Variants in ELMO1 observed in about 807,000 individuals in gnomAD.
The protein encoded by ELMO1 is engulfment and cell motility protein 1.
Under a neutral mutation model 98.9 loss-of-function variants are expected in ELMO1, and 26 were observed. The observed-to-expected ratio is 0.26, with a 90% CI of 0.19 to 0.36. The LOEUF (loss-of-function observed/expected upper bound fraction) is 0.36. Among genes scored for constraint, ELMO1 ranks in the 10% least tolerant of loss-of-function variants. The probability of loss-of-function intolerance (pLI) is 1.00; values close to 1 mark genes in which losing one functional copy is unlikely to be tolerated. For missense variants in ELMO1, 627 were observed against 935.2 expected (o/e 0.67, Z 4.30); for synonymous variants, 346 against 346.0 (o/e 1.00, Z 0.00).
chr7:37,231,771 T>C (rs1261179702), intron 8 of ELMO1, among the ~76,000 whole-genome samples: 1 of 152,158 alleles, frequency 6.6e-6, no homozygotes. Flanking sequence ...TATTTATCAA[T>C]TTTGATAACC....
intron 13 of ELMO1, among the ~76,000 whole-genome samples, chr7:37,155,468 G>A (rs983243315): frequency 2.6e-5 from 3 of 117,048 alleles, no homozygotes; most frequent in African/African-American, 1.1e-4. Context: ...AAGGGATGGA[G>A]GAAGAAGCAA....
At chr7:37,098,015 A>G (rs969584652) in intron 14 of ELMO1, among the ~76,000 whole-genome samples, 4 of 152,234 alleles carry the variant, frequency 2.6e-5, no homozygotes, top group Non-Finnish European at 5.9e-5. Flanking sequence ...GCAAAACAAA[A>G]TAACAAAACT....
intron 16 of ELMO1, among the ~76,000 whole-genome samples, chr7:36,953,209 C>T (rs1016349866): frequency 1.3e-5 from 2 of 152,032 alleles, no homozygotes; most frequent in African/African-American, 2.4e-5. Context: ...ATCGTGGATC[C>T]ACCCACCTCA....
intron 13 of ELMO1, among the ~76,000 whole-genome samples, chr7:37,170,702 G>A (rs1476048197): frequency 2.6e-5 from 4 of 151,228 alleles, no homozygotes; most frequent in Admixed American, 2.0e-4. Flanking sequence ...TGCCTCCCAG[G>A]TTCAAGCGAT....
intron 8 of ELMO1, among the ~76,000 whole-genome samples, chr7:37,230,109 T>C (rs1295950078): frequency 6.6e-6 from 1 of 152,202 alleles, no homozygotes; most frequent in Non-Finnish European, 1.5e-5. Flanking sequence ...GTGGGTATTT[T>C]TAATGCTTCC....
At chr7:37,034,057 TCA>T (rs1249747089) in intron 15 of ELMO1, among the ~76,000 whole-genome samples, 1 of 152,200 alleles carries the variant, frequency 6.6e-6, no homozygotes, top group African/African-American at 2.4e-5. Context: ...CCTCACAACT[TCA>T]CACAGTTGAG....
chr7:37,416,206 T>C (rs1197542410), intron 1 of ELMO1, among the ~76,000 whole-genome samples: 1 of 152,204 alleles, frequency 6.6e-6, no homozygotes, highest in East Asian at 1.9e-4. Context: ...CCACCAAAAC[T>C]GCCCACTTTT....
At chr7:37,094,016 GT>G (rs56794505) in intron 15 of ELMO1, among the ~76,000 whole-genome samples, 25,049 of 152,230 alleles carry the variant, frequency 0.16, 2,805 homozygotes, top group African/African-American at 0.31. Flanking sequence ...TTTCTGAAGT[GT>G]ATAGGAAATT....
At chr7:37,212,587 A>T (rs925599695) in intron 12 of ELMO1, among the ~76,000 whole-genome samples, 1 of 152,176 alleles carries the variant, frequency 6.6e-6, no homozygotes, top group African/African-American at 2.4e-5. Flanking sequence ...CCTCTCCATC[A>T]TTCTTAACCG....
In ELMO1 at chr7:37,215,559, C is replaced by T. The variant is rs1400846077; in HGVS notation, c.831+1086G>A. Among the ~76,000 whole-genome samples, 4 of 152,350 alleles carry T rather than the reference C, an allele frequency of 2.6e-5. No individual in the cohort carries two copies. The East Asian group carries it at 7.7e-4, about 29-fold the overall frequency. ...GGCTCCTACTCTTAGGACCACTGTT[C>T]TCCTGCCCTAACCACCCAGGGCCAG... is the stretch of plus-strand genomic sequence containing the variant. On this transcript the variant is annotated intron_variant, in intron 11 of 21. Coordinates refer to ENST00000310758, the MANE Select transcript of ELMO1 (RefSeq NM_014800.11).
At chr7:36,989,756 T>C (rs569752977) in intron 16 of ELMO1, among the ~76,000 whole-genome samples, 1 of 152,296 alleles carries the variant, frequency 6.6e-6, no homozygotes, top group South Asian at 2.1e-4. Flanking sequence ...GGGAGGTTTA[T>C]GAAGAGAGAG....
intron 13 of ELMO1, among the ~76,000 whole-genome samples, chr7:37,201,118 T>C (rs549772426): frequency 6.6e-6 from 1 of 152,194 alleles, no homozygotes; most frequent in East Asian, 1.9e-4. Flanking sequence ...ATGGCTACTG[T>C]TTAAAAAATT....
chr7:37,235,661 CG>C (rs1190113880), intron 7 of ELMO1, among the ~76,000 whole-genome samples: 16 of 152,268 alleles, frequency 1.1e-4, no homozygotes, highest in African/African-American at 3.6e-4. Context: ...AGCCTAGTGC[CG>C]TGGTTCATGC....
intron 16 of ELMO1, among the ~76,000 whole-genome samples, chr7:36,995,494 G>C (rs867116301): frequency 6.0e-5 from 9 of 150,444 alleles, no homozygotes; most frequent in African/African-American, 2.2e-4. Flanking sequence ...GTGACAGAGT[G>C]AGACTCTGTC....
intron 16 of ELMO1, among the ~76,000 whole-genome samples, chr7:36,903,030 G>A (rs1321736999): frequency 6.6e-6 from 1 of 152,102 alleles, no homozygotes; most frequent in Admixed American, 6.6e-5. Context: ...CTTAAACCCT[G>A]CAGGGGCCCA....
intron 4 of ELMO1, among the ~76,000 whole-genome samples, chr7:37,309,458 T>C (rs1048311334): frequency 1.3e-5 from 2 of 152,244 alleles, no homozygotes; most frequent in Non-Finnish European, 2.9e-5. Flanking sequence ...CCACCCATTA[T>C]TGCCTGTGGA....
chr7:37,021,973 C>CA (rs1479465742), intron 15 of ELMO1, among the ~76,000 whole-genome samples: 3 of 152,148 alleles, frequency 2.0e-5, no homozygotes, highest in African/African-American at 7.2e-5. Context: ...CCCATATATA[C>CA]AGTCACTGGA....
intron 15 of ELMO1, among the ~76,000 whole-genome samples, chr7:37,027,302 C>G (rs1195458061): frequency 6.6e-6 from 1 of 152,190 alleles, no homozygotes; most frequent in Non-Finnish European, 1.5e-5. Flanking sequence ...CATAGCCCTC[C>G]TCTGTACAAC....
chr7:37,221,578 T>G (rs1186141092), intron 10 of ELMO1, among the ~76,000 whole-genome samples: 1 of 152,202 alleles, frequency 6.6e-6, no homozygotes, highest in Non-Finnish European at 1.5e-5. Context: ...AAAATTCCAC[T>G]TCTTCACATC....
Sources: gnomAD v4.1 joint callset for allele counts (sites outside exome capture counted in the v4.1 genomes callset) on GRCh38, gnomAD v4.1.1 for gene constraint, MANE v1.5 for transcripts, NCBI Gene and HGNC (gene_info 2026-07-23, HGNC 2026-07-21) for gene names.